The following ARHGAP32 variants were observed in gnomAD, a reference collection of about 807,000 sequenced individuals.
ARHGAP32 encodes rho GTPase-activating protein 32.
Under a neutral mutation model 186.5 loss-of-function variants are expected in ARHGAP32, and 51 were observed. The ratio of observed to expected loss-of-function variants is 0.27; its 90% CI spans 0.22 to 0.35. The LOEUF (loss-of-function observed/expected upper bound fraction) is 0.35. Among genes scored for constraint, ARHGAP32 ranks in the 10% least tolerant of loss-of-function variants. The pLI is 1.00. For missense variants in ARHGAP32, 2,186 were observed against 2,623.5 expected (o/e 0.83, Z 3.64); for synonymous variants, 950 against 964.3 (o/e 0.99, Z 0.27).
intron 2 of ARHGAP32, chr11:129,125,952 C>T (rs1290574160): frequency 3.5e-5 from 15 of 431,890 alleles, no homozygotes; most frequent in South Asian, 1.8e-4. Context: ...TTCCATCTTG[C>T]GGCTACCACA....
chr11:128,969,957 G>A lies in ARHGAP32; in HGVS notation c.5256C>T (p.Thr1752=). Residue 1752 remains threonine, a synonymous_variant, in exon 23 of 23, where the codon ACC becomes ACT. Coordinates refer to ENST00000682385, the MANE Select transcript of ARHGAP32 (RefSeq NM_001378024.1). This position sits in a 1 kb window ranked among gnomAD's most constrained non-coding sequence, Gnocchi z 4.8. Reference sequence around the variant, plus strand: ...TGTCCTCAAGATCCCATGAGGTGTAGGTGTGCTTCACATCAGCAGCCGGAG... The same window carrying A: ...TGTCCTCAAGATCCCATGAGGTGTAAGTGTGCTTCACATCAGCAGCCGGAG... The part of the protein sequence containing the change: ...SMPPAADVKH[T]YTSWDLEDME... The A allele has an allele frequency of 6.2e-7, 1 of 1,614,232 alleles. No homozygotes were observed. The highest frequency in any genetic ancestry group is 8.5e-7 in the Non-Finnish European group (1 of 1,180,032).
chr11:129,217,540 GCTAA>G (rs1328311606), intron 1 of ARHGAP32, among the ~76,000 whole-genome samples: 3 of 152,128 alleles, frequency 2.0e-5, no homozygotes, highest in East Asian at 3.9e-4. Context: ...ATTTTCTAGA[GCTAA>G]CTTTTATAAC....
chr11:129,184,324 T>TA (rs1944113128), intron 1 of ARHGAP32, among the ~76,000 whole-genome samples: 1 of 152,000 alleles, frequency 6.6e-6, no homozygotes, highest in Non-Finnish European at 1.5e-5. Flanking sequence ...GCTTAGCAGC[T>TA]AAAAGATAGG....
At chr11:129,255,612 T>C (rs1364248593) in intron 1 of ARHGAP32, among the ~76,000 whole-genome samples, 1 of 151,836 alleles carries the variant, frequency 6.6e-6, no homozygotes, top group Non-Finnish European at 1.5e-5. Flanking sequence ...GAAAAGATAC[T>C]CACAATACAA....
intron 5 of ARHGAP32, among the ~76,000 whole-genome samples, chr11:129,110,678 G>A (rs1383878668): frequency 1.3e-5 from 2 of 151,794 alleles, no homozygotes; most frequent in Non-Finnish European, 2.9e-5. Context: ...TTATTCCTAG[G>A]TTTTTTGTTT....
At position 128,972,654 on chromosome 11, in the gene ARHGAP32, T is replaced by C; in HGVS notation, c.3852A>G (p.Thr1284=). ...TMTYMTTTPA[T]AQMSTKEASW... is the part of the protein sequence containing the mutation. ...TGGCTTCCTTGGTGCTCATTTGGGC[T>C]GTTGCTGGAGTAGTTGTCATGTAAG... The change falls in exon 22 of 23, where the codon ACA becomes ACG. Residue 1284 remains threonine, a synonymous_variant. Transcript: ENST00000682385. 1.2e-6 allele frequency: 2 copies of C among 1,613,858 alleles called. No homozygotes were observed. The highest frequency in any genetic ancestry group is 4.5e-5 in the East Asian group (2 of 44,868).
chr11:129,208,856 T>C (rs1459818582), intron 1 of ARHGAP32, among the ~76,000 whole-genome samples: 1 of 152,112 alleles, frequency 6.6e-6, no homozygotes, highest in African/African-American at 2.4e-5. Flanking sequence ...AAATTTTCCA[T>C]CTAAAATAGA....
chr11:129,275,799 T>C (rs1046027131), intron 1 of ARHGAP32, among the ~76,000 whole-genome samples: 4 of 152,398 alleles, frequency 2.6e-5, no homozygotes, highest in Admixed American at 1.3e-4. Flanking sequence ...CTTCTTTGGA[T>C]TGTTTTCAAC....
intron 1 of ARHGAP32, among the ~76,000 whole-genome samples, chr11:129,241,903 C>A (rs186936109): frequency 2.0e-5 from 3 of 151,938 alleles, no homozygotes; most frequent in Admixed American, 2.0e-4. Context: ...CAAGAATGAC[C>A]AATAAAAACA....
At chr11:128,977,098 G>A (rs2136089797) in intron 19 of ARHGAP32, among the ~76,000 whole-genome samples, 2 of 152,308 alleles carry the variant, frequency 1.3e-5, no homozygotes. Context: ...GCAGCCACCA[G>A]GAGCTTGGAA....
intron 5 of ARHGAP32, among the ~76,000 whole-genome samples, chr11:129,117,342 C>T (rs1942394805): frequency 6.6e-6 from 1 of 151,970 alleles, no homozygotes; most frequent in Non-Finnish European, 1.5e-5. Context: ...GATATAATGC[C>T]TGGCTCAGAC....
Position 128,966,390 on chromosome 11 carries a change from C to G in ARHGAP32, c.*2517G>C, listed in dbSNP as rs1304635896. On this transcript the variant is annotated 3_prime_UTR_variant, in exon 23 of 23. Transcript: ENST00000682385. ...AGTGATTTGCCATCCGGTTTCCACC[C>G]CACAACATTAGAAAGGGAAAGATGC... is the stretch of plus-strand genomic sequence containing the variant. 2.6e-5 allele frequency: 4 copies of G among 152,160 alleles called. No homozygotes were observed. Among genetic ancestry groups the G allele is most frequent in the African/African-American group, 9.7e-5 (4 of 41,436 alleles). 9.4% of individuals were successfully genotyped at this position (152,160 alleles called of 1,614,324 possible). A position where few individuals can be genotyped will look rare whatever the true frequency, so the allele number is the denominator to read the frequency against.
At chr11:129,008,091 G>A (rs549245427) in intron 11 of ARHGAP32, among the ~76,000 whole-genome samples, 1 of 152,188 alleles carries the variant, frequency 6.6e-6, no homozygotes, top group Non-Finnish European at 1.5e-5. Flanking sequence ...GCCACTACCA[G>A]GGGATGGGGG....
chr11:128,986,037 C>G lies in ARHGAP32; in HGVS notation c.1492G>C (p.Asp498His), dbSNP rs149594456. ...TDEERLIKIH[D>H]VIQQLPPPHY... ...GGTGGGGGGAGCTGCTGGATGACATCGTGGATTTTTATCAGCCTTTCTTCA... is the reference window on the plus strand; with the variant it reads ...GGTGGGGGGAGCTGCTGGATGACATGGTGGATTTTTATCAGCCTTTCTTCA... The change falls in exon 15 of 23, where the codon GAT (aspartate) becomes CAT (histidine). Residue 498 changes from aspartate to histidine, a missense_variant. This residue lies in a region of ARHGAP32 where 308 missense variants were observed against 596.5 expected (regional missense o/e 0.52). Coordinates refer to ENST00000682385, the MANE Select transcript of ARHGAP32 (RefSeq NM_001378024.1). The G allele has an allele frequency of 1.2e-6, 2 of 1,607,838 alleles. No homozygotes were observed. Among genetic ancestry groups the G allele is most frequent in the East Asian group, 2.3e-5 (1 of 44,080 alleles).
At chr11:129,219,610 T>C (rs548167215) in intron 1 of ARHGAP32, among the ~76,000 whole-genome samples, 1 of 152,206 alleles carries the variant, frequency 6.6e-6, no homozygotes, top group African/African-American at 2.4e-5. Flanking sequence ...CTGGTCATAG[T>C]CTCTATTTTT....
chr11:129,171,548 G>A (rs1424109033), intron 1 of ARHGAP32, among the ~76,000 whole-genome samples: 1 of 152,190 alleles, frequency 6.6e-6, no homozygotes, highest in Non-Finnish European at 1.5e-5. Flanking sequence ...TTTGGTACCA[G>A]TACCCTGCTG....
At chr11:129,039,619 A>G (rs1939504372) in intron 11 of ARHGAP32, among the ~76,000 whole-genome samples, 1 of 152,224 alleles carries the variant, frequency 6.6e-6, no homozygotes, top group African/African-American at 2.4e-5. Context: ...TTCTTCATGA[A>G]GTGATGAAGG....
chr11:129,261,702 T>C (rs1439055953), intron 1 of ARHGAP32, among the ~76,000 whole-genome samples: 2 of 152,198 alleles, frequency 1.3e-5, no homozygotes, highest in South Asian at 2.1e-4. Flanking sequence ...AGTAAATAAA[T>C]GGATGAAAAC....
rs887492410 is a variant in ARHGAP32 at position 128,966,787 on chromosome 11, A to C, written c.*2120T>G. ...ACAGCAGCCCCTCTTCCTAATCTCC[A>C]TGCTGCTGGTGAGAACTTACAGGGC... On this transcript the variant is annotated 3_prime_UTR_variant, in exon 23 of 23. Coordinates refer to ENST00000682385, the MANE Select transcript of ARHGAP32 (RefSeq NM_001378024.1). The C allele has an allele frequency of 5.3e-5, 8 of 152,146 alleles. No individual in the cohort carries two copies. The East Asian group carries it at 1.5e-3, about 29-fold the overall frequency. The allele number at this position is 152,146 out of a possible 1,614,324, so 9.4% of individuals were successfully genotyped here.
Sources: gnomAD v4.1 joint callset for allele counts (sites outside exome capture counted in the v4.1 genomes callset) on GRCh38, gnomAD v4.1.1 for gene constraint, gnomAD v4.1.1 regional missense constraint, Gnocchi (gnomAD v3.1) non-coding constraint, MANE v1.5 for transcripts, NCBI Gene and HGNC (gene_info 2026-07-23, HGNC 2026-07-21) for gene names.